The following RAP1GAP2 variants were observed in gnomAD, a reference collection of about 807,000 sequenced individuals.
RAP1GAP2 encodes rap1 GTPase-activating protein 2.
RAP1GAP2 carries 27 observed loss-of-function variants against 95.0 expected under a neutral mutation model. The ratio of observed to expected loss-of-function variants is 0.28; its 90% CI spans 0.21 to 0.39. The LOEUF (loss-of-function observed/expected upper bound fraction) is 0.39, where lower values mean the gene tolerates loss of function less well. Among genes scored for constraint, RAP1GAP2 ranks in the 10% least tolerant of loss-of-function variants. RAP1GAP2 has a pLI of 1.00. For synonymous variants in RAP1GAP2, 373 were observed against 380.9 expected (o/e 0.98, Z 0.24); for missense variants, 771 against 970.0 (o/e 0.79, Z 2.72).
intron 2 of RAP1GAP2, among the ~76,000 whole-genome samples, chr17:2,849,037 C>G (rs11652506): frequency 0.84 from 128,089 of 151,846 alleles, 54,562 homozygotes; most frequent in African/African-American, 0.96. Context: ...TGTGTGCGAG[C>G]GGGCTTCAGA....
At chr17:2,780,766 T>C (rs1457631278) in intron 1 of RAP1GAP2, among the ~76,000 whole-genome samples, 1 of 152,246 alleles carries the variant, frequency 6.6e-6, no homozygotes, top group Non-Finnish European at 1.5e-5. Context: ...TTGTTTTTAA[T>C]AAGTTTAATG....
chr17:2,922,495 G>A (rs1391089647), intron 3 of RAP1GAP2, among the ~76,000 whole-genome samples: 3 of 152,210 alleles, frequency 2.0e-5, no homozygotes, highest in Non-Finnish European at 2.9e-5. Flanking sequence ...TGGGAGCTTG[G>A]TGAGGTCCCC....
rs769300751 is a variant in RAP1GAP2 at position 2,991,279 on chromosome 17, T to C, written c.814-18T>C. On this transcript the variant is annotated intron_variant, in intron 11 of 24. Transcript: ENST00000254695. ...AGAATTTTTCTAATTCCTGCCCTTA[T>C]TCCTGTTTCTCTTTCAGACCCTGGA... 1 of 1,558,206 alleles carries C rather than the reference T, an allele frequency of 6.4e-7. No individual in the cohort carries two copies. Among genetic ancestry groups the C allele is most frequent in the Non-Finnish European group, 8.8e-7 (1 of 1,140,430 alleles).
At chr17:2,926,705 A>C (rs1415653982) in intron 3 of RAP1GAP2, among the ~76,000 whole-genome samples, 1 of 152,136 alleles carries the variant, frequency 6.6e-6, no homozygotes, top group Non-Finnish European at 1.5e-5. Context: ...ACTGAGATCA[A>C]ATCAAGATAT....
At chr17:2,880,403 A>G (rs2073242571) in intron 2 of RAP1GAP2, among the ~76,000 whole-genome samples, 1 of 150,446 alleles carries the variant, frequency 6.6e-6, no homozygotes, top group Non-Finnish European at 1.5e-5. Flanking sequence ...CATGGGAGCC[A>G]TGGAAGGAGG....
intron 2 of RAP1GAP2, among the ~76,000 whole-genome samples, chr17:2,878,725 TG>T (rs2073179587): frequency 6.6e-6 from 1 of 152,222 alleles, no homozygotes; most frequent in South Asian, 2.1e-4. Context: ...TCTCTGCTTC[TG>T]ATGCACCTGT....
At chr17:2,888,197 T>C (rs1220717765) in intron 2 of RAP1GAP2, among the ~76,000 whole-genome samples, 4 of 152,218 alleles carry the variant, frequency 2.6e-5, no homozygotes, top group African/African-American at 9.7e-5. Flanking sequence ...TTTTGATATG[T>C]GTATACAATG....
At chr17:2,942,422 G>A (rs559820376) in intron 3 of RAP1GAP2, among the ~76,000 whole-genome samples, 19 of 152,210 alleles carry the variant, frequency 1.2e-4, no homozygotes, top group Middle Eastern at 3.4e-3. Context: ...GAATGATTAC[G>A]TTTGGTCCAC....
intron 2 of RAP1GAP2, among the ~76,000 whole-genome samples, chr17:2,859,446 T>G (rs914245870): frequency 2.6e-5 from 4 of 151,914 alleles, no homozygotes; most frequent in African/African-American, 9.7e-5. Context: ...TTTAATTTAA[T>G]TTTTTTGGAG....
At chr17:2,755,669 C>CCTCCTCCA (rs940200574), upstream of RAP1GAP2, 3 of 278,488 alleles carry the variant, frequency 1.1e-5, no homozygotes, top group African/African-American at 4.5e-5. Flanking sequence ...GGCAGCCGAG[C>CCTCCTCCA]CTCCTCCACC....
At chr17:3,032,591 C>G in intron 24 of RAP1GAP2, 142 bp downstream of exon 24, 1 of 809,802 alleles carries the variant, frequency 1.2e-6, no homozygotes, top group South Asian at 1.5e-5. Flanking sequence ...CTACTCGCCC[C>G]TGAAGACCTG....
At chr17:2,765,482 G>A (rs1445541571) in intron 1 of RAP1GAP2, among the ~76,000 whole-genome samples, 1 of 152,140 alleles carries the variant, frequency 6.6e-6, no homozygotes, top group African/African-American at 2.4e-5. Context: ...GCTCACGCCT[G>A]TAATCCCAGC....
At chr17:2,869,727 G>A (rs776289214) in intron 2 of RAP1GAP2, among the ~76,000 whole-genome samples, 2 of 152,256 alleles carry the variant, frequency 1.3e-5, no homozygotes, top group African/African-American at 2.4e-5. Context: ...GGTCCCGGGA[G>A]CAGGTGCGGG....
At chr17:2,928,618 C>T (rs372874244) in intron 3 of RAP1GAP2, among the ~76,000 whole-genome samples, 42 of 152,298 alleles carry the variant, frequency 2.8e-4, no homozygotes, top group African/African-American at 1.0e-3. Context: ...ACGGGGCAGT[C>T]AGCGAGGCTC....
intron 3 of RAP1GAP2, among the ~76,000 whole-genome samples, chr17:2,944,775 C>T (rs1567807033): frequency 6.6e-6 from 1 of 152,300 alleles, no homozygotes; most frequent in East Asian, 1.9e-4. Context: ...GAATGTCGTT[C>T]CATTTATTTA....
intron 2 of RAP1GAP2, among the ~76,000 whole-genome samples, chr17:2,890,816 C>G (rs926731199): frequency 6.6e-6 from 1 of 151,774 alleles, no homozygotes; most frequent in Non-Finnish European, 1.5e-5. Context: ...TCCCGAGTAG[C>G]TGGGACCACA....
At chr17:2,924,546 A>G (rs866894177) in intron 3 of RAP1GAP2, among the ~76,000 whole-genome samples, 63 of 150,674 alleles carry the variant, frequency 4.2e-4, no homozygotes, top group African/African-American at 1.5e-3. Flanking sequence ...GGAGGTGGGG[A>G]GGGGAAAAGA....
chr17:2,942,986 C>T (rs573664656), intron 3 of RAP1GAP2, among the ~76,000 whole-genome samples: 1 of 152,040 alleles, frequency 6.6e-6, no homozygotes, highest in Non-Finnish European at 1.5e-5. Flanking sequence ...TCAGGCTGGT[C>T]TTGAACTCCT....
chr17:2,931,691 G>T (rs2043162630), intron 3 of RAP1GAP2, among the ~76,000 whole-genome samples: 1 of 152,244 alleles, frequency 6.6e-6, no homozygotes, highest in Non-Finnish European at 1.5e-5. Flanking sequence ...CGGGACCGAA[G>T]CACTTATTTA....
Sources: allele counts gnomAD v4.1 joint callset (sites outside exome capture counted in the v4.1 genomes callset), GRCh38; gene constraint gnomAD v4.1.1; transcripts MANE v1.5; gene names NCBI Gene and HGNC (gene_info 2026-07-23, HGNC 2026-07-21).